Variants in CNTN4 observed in about 807,000 individuals in gnomAD.
The protein encoded by CNTN4 is contactin-4.
Under a neutral mutation model 122.5 loss-of-function variants are expected in CNTN4, and 77 were observed. The ratio of observed to expected loss-of-function variants is 0.63; its 90% CI spans 0.52 to 0.76. The LOEUF is 0.76. Ranked by LOEUF, CNTN4 falls within the 30% of genes least tolerant of loss-of-function variation. The pLI, the probability that CNTN4 is intolerant of heterozygous loss-of-function variation, is 0.00. For missense variants in CNTN4, 1,256 were observed against 1,259.1 expected (o/e 1.00, Z 0.04); for synonymous variants, 512 against 447.0 (o/e 1.15, Z -1.83).
In CNTN4 at chr3:2,817,075, T is replaced by G. The variant is rs1438964040; in HGVS notation, c.359-2411T>G. On this transcript the variant is annotated intron_variant, in intron 6 of 24. Transcript: ENST00000418658. ...TACCTGAAAAGAACAATTTGAGGCA[T>G]GTAATCTTTCCCTAAACATGTGCAT... Among the ~76,000 whole-genome samples the G allele has an allele frequency of 2.0e-5, 3 of 152,216 alleles. No homozygotes were observed. In the East Asian group the frequency reaches 5.8e-4, roughly 29 times the overall value.
At chr3:2,396,656 G>GTTTTTTTTTTTTTTTTT (rs752074730) in intron 3 of CNTN4, among the ~76,000 whole-genome samples, 1 of 145,106 alleles carries the variant, frequency 6.9e-6, no homozygotes, top group Non-Finnish European at 1.5e-5. Context: ...TTATGTCTGG[G>GTTTTTTTTTTTTTTTTT]TTTTTTTTTT....
chr3:2,121,503 A>C (rs969517699), intron 2 of CNTN4, among the ~76,000 whole-genome samples: 3 of 152,020 alleles, frequency 2.0e-5, no homozygotes, highest in Admixed American at 1.3e-4. Flanking sequence ...TCTCAAAAAA[A>C]AAAAAAAAAA....
At chr3:2,387,003 A>G (rs578070136) in intron 3 of CNTN4, among the ~76,000 whole-genome samples, 1 of 152,314 alleles carries the variant, frequency 6.6e-6, no homozygotes, top group East Asian at 1.9e-4. Flanking sequence ...GACTACCTAA[A>G]GGGAAGAAAT....
chr3:2,650,210 T>C (rs907912913), intron 4 of CNTN4, among the ~76,000 whole-genome samples: 31 of 151,822 alleles, frequency 2.0e-4, no homozygotes, highest in African/African-American at 5.6e-4. Context: ...TTGAGGGGCT[T>C]AAAGCTTTCA....
chr3:2,999,665 C>A (rs541045524), intron 14 of CNTN4, among the ~76,000 whole-genome samples: 10 of 152,082 alleles, frequency 6.6e-5, no homozygotes, highest in African/African-American at 2.4e-4. Context: ...GATGGAACAG[C>A]AAAAGAAGAC....
chr3:2,344,362 A>T (rs925584578), intron 3 of CNTN4, among the ~76,000 whole-genome samples: 1 of 147,588 alleles, frequency 6.8e-6, no homozygotes, highest in African/African-American at 2.5e-5. Context: ...TGCAACCTCT[A>T]CCTCCTTCCT....
At chr3:3,030,793 G>T in intron 15 of CNTN4, 62 bp from the exon 16 acceptor site, 5 of 1,566,368 alleles carry the variant, frequency 3.2e-6, no homozygotes, top group Non-Finnish European at 4.4e-6. Context: ...TGTCCTTCAT[G>T]TGATAATGAT....
intron 3 of CNTN4, among the ~76,000 whole-genome samples, chr3:2,415,084 A>G (rs1415777967): frequency 6.6e-6 from 1 of 152,144 alleles, no homozygotes; most frequent in Non-Finnish European, 1.5e-5. Context: ...TAAGAGCATC[A>G]CTATTTTTTA....
chr3:2,457,967 G>A (rs139159032), intron 3 of CNTN4, among the ~76,000 whole-genome samples: 43 of 152,176 alleles, frequency 2.8e-4, no homozygotes, highest in Non-Finnish European at 4.0e-4. Context: ...ACTTAGAAGC[G>A]TGTTGGAAAG....
At chr3:2,501,611 C>G (rs973151073) in intron 3 of CNTN4, among the ~76,000 whole-genome samples, 5 of 152,176 alleles carry the variant, frequency 3.3e-5, no homozygotes, top group Admixed American at 2.6e-4. Flanking sequence ...TCCCCACCCT[C>G]ACTTCCGTTG....
chr3:2,674,945 T>G (rs1301091020), intron 4 of CNTN4, among the ~76,000 whole-genome samples: 1 of 152,196 alleles, frequency 6.6e-6, no homozygotes, highest in Non-Finnish European at 1.5e-5. Context: ...ATATGATTAA[T>G]TGCTTTAGTT....
chr3:2,504,246 C>G (rs2149025588), intron 3 of CNTN4, among the ~76,000 whole-genome samples: 1 of 152,244 alleles, frequency 6.6e-6, no homozygotes, highest in Non-Finnish European at 1.5e-5. Context: ...AAGAAGAAGA[C>G]TGATTTCCAG....
intron 12 of CNTN4, among the ~76,000 whole-genome samples, chr3:2,906,496 T>C (rs1426266665): frequency 6.6e-6 from 1 of 152,058 alleles, no homozygotes; most frequent in African/African-American, 2.4e-5. Flanking sequence ...AAAATAAAAA[T>C]TTTGATTCAA....
chr3:2,559,595 T>G (rs1467432342), intron 3 of CNTN4, among the ~76,000 whole-genome samples: 3 of 152,182 alleles, frequency 2.0e-5, no homozygotes, highest in Non-Finnish European at 1.5e-5. Flanking sequence ...GTTGTCATTT[T>G]TATCACTTTA....
chr3:2,297,570 G>A (rs746243527), intron 2 of CNTN4, among the ~76,000 whole-genome samples: 6 of 151,988 alleles, frequency 3.9e-5, no homozygotes, highest in Non-Finnish European at 7.4e-5. Context: ...TAATCCCCAC[G>A]CATTTTAGAC....
chr3:2,565,422 A>G (rs1246841971), intron 3 of CNTN4, among the ~76,000 whole-genome samples: 1 of 152,194 alleles, frequency 6.6e-6, no homozygotes, highest in East Asian at 1.9e-4. Context: ...AGCTGGTTAA[A>G]GGAGAAAATC....
intron 6 of CNTN4, among the ~76,000 whole-genome samples, chr3:2,789,841 A>G (rs1453350278): frequency 6.6e-6 from 1 of 152,246 alleles, no homozygotes; most frequent in East Asian, 1.9e-4. Flanking sequence ...TATATATCTG[A>G]TTGCAAGATT....
chr3:2,787,475 T>TA (rs1247123815), intron 6 of CNTN4, among the ~76,000 whole-genome samples: 87 of 152,346 alleles, frequency 5.7e-4, no homozygotes, highest in South Asian at 5.0e-3. Context: ...ATAGTGATCA[T>TA]TACATACCGG....
intron 13 of CNTN4, among the ~76,000 whole-genome samples, chr3:2,956,572 T>G (rs900519260): frequency 3.9e-5 from 6 of 152,114 alleles, no homozygotes; most frequent in Non-Finnish European, 7.4e-5. Flanking sequence ...CTTTTTTATT[T>G]TTAATAGGTA....
Sources: allele counts gnomAD v4.1 joint callset (sites outside exome capture counted in the v4.1 genomes callset), GRCh38; gene constraint gnomAD v4.1.1; transcripts MANE v1.5; gene names NCBI Gene and HGNC (gene_info 2026-07-23, HGNC 2026-07-21).